Variants in TTC28 observed in about 807,000 individuals in gnomAD.
The protein encoded by TTC28 is tetratricopeptide repeat protein 28.
TTC28 carries 61 observed loss-of-function variants against 198.0 expected under a neutral mutation model. The observed-to-expected ratio is 0.31, with a 90% CI of 0.25 to 0.38. The LOEUF (loss-of-function observed/expected upper bound fraction) is 0.38, where lower values mean the gene tolerates loss of function less well. TTC28 is among the 10% of genes least tolerant of loss of function. The probability of loss-of-function intolerance (pLI) is 1.00; values close to 1 mark genes in which losing one functional copy is unlikely to be tolerated. For synonymous variants in TTC28, 1,171 were observed against 1,297.8 expected (o/e 0.90, Z 2.10); for missense variants, 2,678 against 3,164.0 (o/e 0.85, Z 3.69).
chr22:28,116,038 T>C (rs1270314604), intron 6 of TTC28, among the ~76,000 whole-genome samples: 1 of 152,254 alleles, frequency 6.6e-6, no homozygotes, highest in African/African-American at 2.4e-5. Context: ...ATTTATTTGC[T>C]ATACATTTAT....
intron 2 of TTC28, among the ~76,000 whole-genome samples, chr22:28,387,688 GTTGT>G (rs765843960): frequency 1.5e-4 from 23 of 152,284 alleles, no homozygotes; most frequent in Non-Finnish European, 2.6e-4. Context: ...TTTTGATGGG[GTTGT>G]TTGTGTTTTT....
At chr22:28,355,055 G>T (rs134505) in intron 2 of TTC28, among the ~76,000 whole-genome samples, 147,329 of 150,538 alleles carry the variant, frequency 0.98, 72,090 homozygotes, top group East Asian at 0.99. Flanking sequence ...CAAAATAATA[G>T]GCAGTTGAAG....
At chr22:28,237,143 G>A (rs972864972) in intron 5 of TTC28, among the ~76,000 whole-genome samples, 3 of 151,856 alleles carry the variant, frequency 2.0e-5, no homozygotes, top group Non-Finnish European at 2.9e-5. Context: ...GCTCTCGCTC[G>A]CTGGTGCATT....
chr22:28,106,477 T>C (rs981772919), intron 7 of TTC28, among the ~76,000 whole-genome samples: 1 of 152,110 alleles, frequency 6.6e-6, no homozygotes, highest in African/African-American at 2.4e-5. Context: ...AAATCCCACA[T>C]CCCACAGCAG....
intron 2 of TTC28, among the ~76,000 whole-genome samples, chr22:28,328,252 C>G (rs377469977): frequency 4.6e-5 from 7 of 151,852 alleles, no homozygotes; most frequent in East Asian, 1.9e-4. Context: ...GGCAACATAG[C>G]AAGACCCCCC....
At chr22:28,062,224 A>T (rs1555909949) in intron 12 of TTC28, among the ~76,000 whole-genome samples, 2 of 151,494 alleles carry the variant, frequency 1.3e-5, no homozygotes, top group Non-Finnish European at 2.9e-5. Flanking sequence ...TGCCTGGCTA[A>T]TTTTTTTGGA....
chr22:28,528,997 G>A (rs2049070415), intron 2 of TTC28, among the ~76,000 whole-genome samples: 3 of 152,318 alleles, frequency 2.0e-5, no homozygotes, highest in African/African-American at 7.2e-5. Flanking sequence ...CCCCCAGTGT[G>A]AGTGACACAG....
chr22:28,133,177 C>T (rs572890339), intron 6 of TTC28, among the ~76,000 whole-genome samples: 46 of 152,242 alleles, frequency 3.0e-4, no homozygotes, highest in Non-Finnish European at 3.4e-4. Flanking sequence ...GAGGTGAGAT[C>T]GTGCCATTGC....
Position 28,258,253 on chromosome 22 carries a change from T to C in TTC28, c.933+37945A>G, listed in dbSNP as rs527434694. Among the ~76,000 whole-genome samples, 3 of 152,272 alleles carry C rather than the reference T, an allele frequency of 2.0e-5. No individual in the cohort carries two copies. The East Asian group carries it at 5.8e-4, about 29-fold the overall frequency. The stretch of plus-strand genomic sequence containing the variant: ...ATGGAATTTCATGTTATATAAGGAA[T>C]CCTGTTAGGATCTTCACAGATACAT... On this transcript the variant is annotated intron_variant, in intron 5 of 22. Coordinates refer to ENST00000397906, the MANE Select transcript of TTC28 (RefSeq NM_001145418.2).
At chr22:28,442,487 T>C (rs1175851552) in intron 2 of TTC28, among the ~76,000 whole-genome samples, 1 of 152,230 alleles carries the variant, frequency 6.6e-6, no homozygotes, top group East Asian at 1.9e-4. Context: ...ATAGGTGTTA[T>C]AACACCACCT....
chr22:28,274,606 C>A (rs5752714), intron 5 of TTC28, among the ~76,000 whole-genome samples: 102 of 152,232 alleles, frequency 6.7e-4, no homozygotes, highest in Non-Finnish European at 7.4e-4. Context: ...CAAAAACAAT[C>A]TAAGACAAGA....
rs1199990085 is a variant in TTC28 at position 28,108,126 on chromosome 22, G to A, written c.1719C>T (p.Ala573=). ...TCAAGTGGTTCTGATAGTGTTGCAG[G>A]GCCCGGTCATGGGCACCCAGGGCCT... The part of the protein sequence containing the change: ...AYQALGAHDR[A]LQHYQNHLNI... Residue 573 remains alanine (A), a synonymous_variant, in exon 7 of 23, where the codon GCC becomes GCT. Transcript: ENST00000397906. 6.4e-7 allele frequency: 1 copy of A among 1,551,676 alleles called. No individual in the cohort carries two copies. Among genetic ancestry groups the A allele is most frequent in the Non-Finnish European group, 8.7e-7 (1 of 1,146,994 alleles).
intron 2 of TTC28, among the ~76,000 whole-genome samples, chr22:28,605,544 G>A (rs2050715413): frequency 6.6e-6 from 1 of 152,076 alleles, no homozygotes. Context: ...TCTTATAACA[G>A]CACACTCAGT....
chr22:28,550,347 C>A (rs1484721539), intron 2 of TTC28, among the ~76,000 whole-genome samples: 3 of 152,104 alleles, frequency 2.0e-5, no homozygotes, highest in African/African-American at 7.2e-5. Context: ...ATCTACATTA[C>A]TATGGTTTCA....
At chr22:28,589,604 A>C (rs1406947085) in intron 2 of TTC28, among the ~76,000 whole-genome samples, 1 of 152,092 alleles carries the variant, frequency 6.6e-6, no homozygotes, top group Non-Finnish European at 1.5e-5. Flanking sequence ...CCTGGTTGTG[A>C]GTCATTCTTT....
intron 5 of TTC28, among the ~76,000 whole-genome samples, chr22:28,201,984 T>A (rs147987918): frequency 2.0e-5 from 3 of 152,150 alleles, no homozygotes; most frequent in East Asian, 3.9e-4. Context: ...TGAGTACCCA[T>A]CATATGCTTC....
At chr22:28,617,264 G>A (rs960572463) in intron 2 of TTC28, among the ~76,000 whole-genome samples, 1 of 151,900 alleles carries the variant, frequency 6.6e-6, no homozygotes, top group Non-Finnish European at 1.5e-5. Flanking sequence ...ACTTTGGGAG[G>A]CCAAGGCAGG....
rs753624176 is a variant in TTC28, at chr22:27,982,244, A to G, written c.7423T>C (p.Phe2475Leu). Residue 2475 changes from phenylalanine (F) to leucine (L), a missense_variant, in exon 23 of 23, where the codon TTT becomes CTT. Around this residue, in one of 8 missense-constraint regions of TTC28, gnomAD observed 622 missense variants for 656.0 expected, o/e 0.95. Transcript: ENST00000397906. This position sits in a 1 kb window ranked among gnomAD's most constrained non-coding sequence, Gnocchi z 5.2. ...NGYKFLSPGR[F>L]FPSSKC ...CTTTAGCATTTGGAAGAAGGGAAAA[A>G]TCTTCCTGGAGACAGGAACTTGTAG... The G allele has an allele frequency of 3.4e-6, 5 of 1,465,868 alleles. No individual in the cohort carries two copies. The highest frequency in any genetic ancestry group is 1.4e-5 in the South Asian group (1 of 69,030). The allele number at this position is 1,465,868 out of a possible 1,614,324, so 90.8% of individuals were successfully genotyped here.
chr22:28,212,370 A>G (rs1480393928), intron 5 of TTC28, among the ~76,000 whole-genome samples: 1 of 149,812 alleles, frequency 6.7e-6, no homozygotes, highest in Non-Finnish European at 1.5e-5. Flanking sequence ...CAAAATTGAG[A>G]GACCGCTAGC....
Sources: allele counts gnomAD v4.1 joint callset (sites outside exome capture counted in the v4.1 genomes callset), GRCh38; gene constraint gnomAD v4.1.1; regional missense constraint gnomAD v4.1.1; non-coding constraint Gnocchi (gnomAD v3.1); transcripts MANE v1.5; gene names NCBI Gene and HGNC (gene_info 2026-07-23, HGNC 2026-07-21).